Variants in STARD8 observed in about 807,000 individuals in gnomAD.
STARD8 encodes the protein stAR-related lipid transfer protein 8.
Under a neutral mutation model 69.4 loss-of-function variants are expected in STARD8, and 25 were observed. The observed-to-expected ratio is 0.36, with a 90% CI of 0.26 to 0.50. STARD8 has a LOEUF of 0.50. Ranked by LOEUF, STARD8 falls within the 20% of genes least tolerant of loss-of-function variation. STARD8 has a pLI of 0.96. For synonymous variants in STARD8, 389 were observed against 374.6 expected (o/e 1.04, Z -0.45); for missense variants, 921 against 932.5 (o/e 0.99, Z 0.16).
At chrX:68,655,890 A>G (rs963987826) in intron 1 of STARD8, among the ~76,000 whole-genome samples, 1 of 111,962 alleles carries the variant, frequency 8.9e-6, no homozygotes, top group Non-Finnish European at 1.9e-5. Context: ...GCCTGTTACA[A>G]GGTAGATGCT....
At chrX:68,648,484 G>A (rs1411758319) in intron 1 of STARD8, among the ~76,000 whole-genome samples, 1 of 111,409 alleles carries the variant, frequency 9.0e-6, no homozygotes. Context: ...AAAAGGGCTG[G>A]ACACAGTGGC....
Position 68,724,060 on chromosome X carries a change from C to T in STARD8, c.3133C>T (p.Leu1045Phe), listed in dbSNP as rs139082793. ...AGCCCTCATGCTCACATCCCAGTAC[C>T]TCATGGAGCCTTGCGGCTTGGGCCG... ...VRALMLTSQY[L>F]MEPCGLGRSR... The change falls in exon 14 of 15, where the codon CTC becomes TTC. Residue 1045 changes from leucine (L) to phenylalanine (F), a missense_variant. Physicochemically the swap from Leu to Phe is conservative, Grantham distance 22. Coordinates refer to ENST00000374599, the MANE Select transcript of STARD8 (RefSeq NM_001142503.3). 69 of 1,210,746 alleles carry T rather than the reference C, an allele frequency of 5.7e-5. No homozygotes were observed. Among genetic ancestry groups the T allele is most frequent in the South Asian group, 8.8e-5 (5 of 56,864 alleles).
chrX:68,719,459 C>T (rs2080128794), intron 7 of STARD8, 61 bp downstream of exon 7: 2 of 1,089,554 alleles, frequency 1.8e-6, no homozygotes, highest in Non-Finnish European at 2.4e-6. Context: ...CGTCCCCAGG[C>T]AGGGTCAGCC....
rs764506906 is a variant in STARD8, at chrX:68,720,144, T to C, written c.1890-120T>C. 5 of 844,403 alleles carry C rather than the reference T, an allele frequency of 5.9e-6. No homozygotes were observed. The African/African-American group carries it at 6.4e-5, about 11-fold the overall frequency. The allele number at this position is 844,403 out of a possible 1,213,427, so 69.6% of individuals were successfully genotyped here. On this transcript the variant is annotated intron_variant, in intron 7 of 14. Coordinates refer to ENST00000374599, the MANE Select transcript of STARD8 (RefSeq NM_001142503.3). ...GCCCAAAACAGGTGCTCAATGAGTG[T>C]TGACTCTGGGGCAGTGGTGTGTGCC...
intron 1 of STARD8, among the ~76,000 whole-genome samples, chrX:68,653,010 A>C (rs1238294178): frequency 2.2e-4 from 2 of 9,301 alleles, no homozygotes; most frequent in Non-Finnish European, 4.2e-4. Context: ...CACACACACC[A>C]CCACACACAC....
intron 1 of STARD8, chrX:68,656,429 T>C (rs908270612): frequency 1.8e-5 from 2 of 111,994 alleles, no homozygotes; most frequent in Non-Finnish European, 3.8e-5. Context: ...AGTTCAGCCA[T>C]TGTGGAAGAC....
intron 1 of STARD8, among the ~76,000 whole-genome samples, chrX:68,652,227 C>T (rs1454213254): frequency 2.7e-5 from 3 of 110,795 alleles, no homozygotes; most frequent in Non-Finnish European, 5.7e-5. Context: ...AAGCAGCTTC[C>T]GAAACTGTGT....
At chrX:68,707,907 G>A (rs960051337) in intron 2 of STARD8, among the ~76,000 whole-genome samples, 4 of 111,512 alleles carry the variant, frequency 3.6e-5, no homozygotes, top group African/African-American at 1.3e-4. Flanking sequence ...CAAGAGTGGG[G>A]TTGGTGATAC....
Position 68,717,367 on chromosome X carries a change from C to T in STARD8, c.453C>T (p.Thr151=), listed in dbSNP as rs947543. The change falls in exon 6 of 15, where the codon ACC becomes ACT. Residue 151 remains threonine, a synonymous_variant. Coordinates refer to ENST00000374599, the MANE Select transcript of STARD8 (RefSeq NM_001142503.3). The stretch of plus-strand genomic sequence containing the variant: ...CCTCAAGCTGTGAGAGCGTCCTCAC[C>T]GAGCTTAGTGCCACCTCTCTGCCAG... ...PATSSCESVL[T]ELSATSLPVI... The T allele has an allele frequency of 2.7e-5, 33 of 1,205,817 alleles. No homozygotes were observed. Among genetic ancestry groups the T allele is most frequent in the Admixed American group, 2.2e-4 (10 of 45,446 alleles).
chrX:68,682,991 C>T (rs1461509819), intron 2 of STARD8, among the ~76,000 whole-genome samples: 2 of 112,225 alleles, frequency 1.8e-5, no homozygotes, highest in South Asian at 7.4e-4. Flanking sequence ...TCAACAGGTG[C>T]TAGGCCCAAG....
intron 2 of STARD8, among the ~76,000 whole-genome samples, chrX:68,685,641 G>C (rs1281273339): frequency 8.9e-6 from 1 of 112,782 alleles, no homozygotes. Flanking sequence ...CAGTCCTTCA[G>C]ATCCTTACAA....
chrX:68,721,422 C>A, intron 9 of STARD8, 114 bp from the exon 10 acceptor site: 2 of 807,282 alleles, frequency 2.5e-6, no homozygotes, highest in Non-Finnish European at 1.8e-6. Flanking sequence ...TTTCCCTTCC[C>A]TCTCACCGCT....
chrX:68,698,539 G>C (rs373643214), intron 2 of STARD8, among the ~76,000 whole-genome samples: 2 of 110,786 alleles, frequency 1.8e-5, no homozygotes, highest in African/African-American at 3.3e-5. Context: ...GCCTTCCTCC[G>C]GGAGCCTGTA....
chrX:68,718,422 C>G lies in STARD8; in HGVS notation c.1508C>G (p.Ser503Ter). The stretch of plus-strand genomic sequence containing the variant: ...CAGGACAGTGAGCAGGAGGCACATT[C>G]AGGCGGGGAACCCACCTTTGCCTCT... The part of the protein sequence containing the change: ...PAQDSEQEAH[S>*]GGEPTFASSL... The change falls in exon 6 of 15, where the codon TCA becomes TGA. Residue 503 changes from serine (S) to a stop codon, truncating the protein, a stop_gained. Coordinates refer to ENST00000374599, the MANE Select transcript of STARD8 (RefSeq NM_001142503.3). LOFTEE classifies it high-confidence loss of function. 1 of 1,210,779 alleles carries G rather than the reference C, an allele frequency of 8.3e-7. No homozygotes were observed. Among genetic ancestry groups the G allele is most frequent in the Non-Finnish European group, 1.1e-6 (1 of 895,006 alleles).
chrX:68,723,781 G>T lies in STARD8; in HGVS notation c.2955G>T (p.Glu985Asp). The T allele has an allele frequency of 1.7e-6, 2 of 1,180,560 alleles. No individual in the cohort carries two copies. The highest frequency in any genetic ancestry group is 1.1e-6 in the Non-Finnish European group (1 of 879,775). Residue 985 changes from glutamate (E) to aspartate (D), a missense_variant, in exon 13 of 15, where the codon GAG becomes GAT. Coordinates refer to ENST00000374599, the MANE Select transcript of STARD8 (RefSeq NM_001142503.3). ...QVLEALMPGV[E>D]LYHYVTDSMA... ...TGGAAGCCCTGATGCCGGGTGTGGA[G>T]CTGTACCACTATGTCACCGACAGCA...
intron 2 of STARD8, among the ~76,000 whole-genome samples, chrX:68,671,629 A>G (rs923634347): frequency 2.7e-5 from 3 of 112,652 alleles, no homozygotes; most frequent in Non-Finnish European, 5.6e-5. Flanking sequence ...TAGCTATTAC[A>G]GATCAACATA....
intron 1 of STARD8, among the ~76,000 whole-genome samples, chrX:68,662,410 T>G (rs2079657281): frequency 9.0e-6 from 1 of 111,395 alleles, no homozygotes; most frequent in Non-Finnish European, 1.9e-5. Flanking sequence ...CCTCTCTGTT[T>G]AGGCCCCCTC....
At chrX:68,696,434 A>C (rs1230330510) in intron 2 of STARD8, among the ~76,000 whole-genome samples, 2 of 112,085 alleles carry the variant, frequency 1.8e-5, no homozygotes, top group African/African-American at 3.2e-5. Context: ...CACAAGTCTG[A>C]AGTGCTGTGT....
At chrX:68,668,056 C>CTTT (rs1289980139) in intron 2 of STARD8, among the ~76,000 whole-genome samples, 2 of 81,778 alleles carry the variant, frequency 2.4e-5, no homozygotes, top group Non-Finnish European at 5.0e-5. Flanking sequence ...CTCTCTCTTT[C>CTTT]TTTTCTTTCT....
Sources: allele counts gnomAD v4.1 joint callset (sites outside exome capture counted in the v4.1 genomes callset), GRCh38; gene constraint gnomAD v4.1.1; transcripts MANE v1.5; gene names NCBI Gene and HGNC (gene_info 2026-07-23, HGNC 2026-07-21).